The following DMAC2 variants were observed in gnomAD, a reference collection of about 807,000 sequenced individuals.
DMAC2 encodes distal membrane arm assembly component 2, also known as distal membrane-arm assembly complex protein 2.
DMAC2 carries 32 observed loss-of-function variants against 29.6 expected under a neutral mutation model. The ratio of observed to expected loss-of-function variants is 1.08; its 90% CI spans 0.81 to 1.45. The LOEUF is 1.45. Among genes scored for constraint, DMAC2 ranks in the 40% most tolerant of loss-of-function variants. DMAC2 has a pLI of 0.00. For synonymous variants in DMAC2, 133 were observed against 137.4 expected (o/e 0.97, Z 0.23); for missense variants, 319 against 340.0 (o/e 0.94, Z 0.49).
intron 2 of DMAC2, 82 bp from the exon 3 acceptor site, chr19:41,436,554 G>C: frequency 9.2e-7 from 1 of 1,091,602 alleles, no homozygotes; most frequent in South Asian, 1.3e-5. Context: ...AAGAGGGGCA[G>C]AGTCCAGAGA....
chr19:41,433,707 C>T, intron 3 of DMAC2, 34 bp from the exon 4 acceptor site: 2 of 1,613,504 alleles, frequency 1.2e-6, no homozygotes, highest in Non-Finnish European at 1.7e-6. Context: ...AGCAGGGCAC[C>T]TGAACCTGCC....
chr19:41,436,020 C>T (rs1466802244), intron 3 of DMAC2, among the ~76,000 whole-genome samples: 6 of 152,116 alleles, frequency 3.9e-5, no homozygotes, highest in South Asian at 2.1e-4. Flanking sequence ...GGATTACAGG[C>T]GCCTGCCACC....
rs782272339 is a variant in DMAC2 at position 41,435,869 on chromosome 19, CT to C, written c.296+522del. On this transcript the variant is annotated intron_variant, in intron 3 of 5. Transcript: ENST00000221943. ...GCCAGTGTGCCCAGCTCCGTTCAGTCTTTTTTTTTTTTTTTGACACTTTTGA... is the reference window on the plus strand; with the variant it reads ...GCCAGTGTGCCCAGCTCCGTTCAGTCTTTTTTTTTTTTTTGACACTTTTGA... Among the ~76,000 whole-genome samples the C allele has an allele frequency of 9.3e-3, 1,325 of 141,802 alleles. 3 individuals are homozygous for C. Among genetic ancestry groups the C allele is most frequent in the African/African-American group, 0.016 (629 of 38,908 alleles). 93.0% of individuals were successfully genotyped at this position (141,802 alleles called of 152,430 possible).
rs1315839566 is a variant in DMAC2, at chr19:41,432,777, AGCGTGCGT to A, written c.597-377_597-370del. 2.9e-3 allele frequency: 857 copies of A among 299,514 alleles called. 14 individuals are homozygous for A. The highest frequency in any genetic ancestry group is 6.3e-3 in the East Asian group (107 of 17,020). The allele number at this position is 299,514 out of a possible 1,614,324, so 18.6% of individuals were successfully genotyped here. A position where few individuals can be genotyped will look rare whatever the true frequency, so the allele number is the denominator to read the frequency against. On this transcript the variant is annotated intron_variant, in intron 5 of 5. Transcript: ENST00000221943. ...GCGTGTGTGTAGGGAGGTACAGGAC[AGCGTGCGT>A]GTGTGTGTGTGTGTGTGTGTGTGTG...
At position 41,433,268 on chromosome 19, in the gene DMAC2, T is replaced by C. The variant is rs1555769966; in HGVS notation, c.596+4A>G. ...ATGTGGCCCAGCCTGAGCTGAGGTC[T>C]CACTGGAGGTGGTGGAGGCAGGCGA... On this transcript the variant is annotated splice_donor_region_variant and intron_variant, in intron 5 of 5. Coordinates refer to ENST00000221943, the MANE Select transcript of DMAC2 (RefSeq NM_018035.3). The C allele has an allele frequency of 6.2e-7, 1 of 1,605,956 alleles. No homozygotes were observed. Among genetic ancestry groups the C allele is most frequent in the East Asian group, 2.2e-5 (1 of 44,840 alleles).
At chr19:41,436,593 C>A in intron 2 of DMAC2, 121 bp from the exon 3 acceptor site, 1 of 817,938 alleles carries the variant, frequency 1.2e-6, no homozygotes, top group Non-Finnish European at 2.0e-6. Flanking sequence ...TTCAGTCAGG[C>A]TGAAAATATT....
intron 1 of DMAC2, chr19:41,439,353 T>G (rs1026255969): frequency 2.8e-5 from 17 of 617,404 alleles, no homozygotes; most frequent in Non-Finnish European, 3.9e-5. Context: ...TCTCAAATTC[T>G]CCTCTTAATT....
rs377117773 is a variant in DMAC2 at position 41,436,349 on chromosome 19, C to T, written c.296+43G>A. On this transcript the variant is annotated intron_variant, in intron 3 of 5. Coordinates refer to ENST00000221943, the MANE Select transcript of DMAC2 (RefSeq NM_018035.3). Reference sequence around the variant, plus strand: ...AGAACCTGGATGTTAGAGAGATACCCCACCACCTGCCCCAGCCCGTTCTAA... The same window carrying T: ...AGAACCTGGATGTTAGAGAGATACCTCACCACCTGCCCCAGCCCGTTCTAA... The T allele has an allele frequency of 1.3e-4, 210 of 1,563,288 alleles. 1 individual carries two copies. Among genetic ancestry groups the T allele is most frequent in the Non-Finnish European group, 1.7e-4 (197 of 1,134,576 alleles).
chr19:41,432,488 G>C, intron 5 of DMAC2, 80 bp from the exon 6 acceptor site: 1 of 1,413,800 alleles, frequency 7.1e-7, no homozygotes, highest in Non-Finnish European at 9.8e-7. Flanking sequence ...GACAGCGTGT[G>C]CGTGTGTGTG....
chr19:41,432,884 G>A (rs1187963244), intron 5 of DMAC2: 34 of 525,184 alleles, frequency 6.5e-5, no homozygotes, highest in African/African-American at 1.4e-4. Flanking sequence ...GTGTGTGTGC[G>A]TGCGTGCATG....
chr19:41,437,199 A>C (rs1442096537), intron 2 of DMAC2, among the ~76,000 whole-genome samples: 2 of 151,960 alleles, frequency 1.3e-5, no homozygotes, highest in Non-Finnish European at 2.9e-5. Context: ...CAGGATTTCG[A>C]GACCAGCCTG....
chr19:41,436,573 C>A (rs2039876412), intron 2 of DMAC2, 101 bp from the exon 3 acceptor site: 5 of 936,660 alleles, frequency 5.3e-6, no homozygotes, highest in Non-Finnish European at 8.5e-6. Context: ...GAACCAGGCA[C>A]ACAGACAGAT....
At chr19:41,432,958 A>C in intron 5 of DMAC2, 2 of 507,076 alleles carry the variant, frequency 3.9e-6, no homozygotes, top group Non-Finnish European at 3.5e-6. Flanking sequence ...TCCTAAAATA[A>C]AATCTTTATA....
intron 3 of DMAC2, among the ~76,000 whole-genome samples, chr19:41,434,340 C>T (rs1331772205): frequency 9.7e-5 from 13 of 134,250 alleles, no homozygotes; most frequent in Admixed American, 6.7e-4. Context: ...CCCAGGAGGT[C>T]GAGGCTGTAG....
rs13346881 is a variant in DMAC2 at position 41,437,559 on chromosome 19, C to T, written c.215+659G>A. On this transcript the variant is annotated intron_variant, in intron 2 of 5. Coordinates refer to ENST00000221943, the MANE Select transcript of DMAC2 (RefSeq NM_018035.3). ...ACTAAAAATACAAAAATTAGCTGGG[C>T]CTGGTGGCGGGCGCCTGTAATCCCA... Among the ~76,000 whole-genome samples the T allele has an allele frequency of 6.9e-3, 1,035 of 150,946 alleles. 17 individuals are homozygous for T. Among genetic ancestry groups the T allele is most frequent in the African/African-American group, 0.024 (992 of 41,082 alleles).
rs782155146 is a variant in DMAC2 at position 41,433,438 on chromosome 19, C to T, written c.434-4G>A. The T allele has an allele frequency of 8.7e-6, 14 of 1,612,996 alleles. No homozygotes were observed. The highest frequency in any genetic ancestry group is 6.7e-5 in the African/African-American group (5 of 74,924). On this transcript the variant is annotated splice_polypyrimidine_tract_variant and splice_region_variant and intron_variant, in intron 4 of 5. Transcript: ENST00000221943. ...GACTGGAGCTCCTTCAGGCGGACTGCGGTGGGGAGAGGGTGGGATGGCACC... is the reference window on the plus strand; with the variant it reads ...GACTGGAGCTCCTTCAGGCGGACTGTGGTGGGGAGAGGGTGGGATGGCACC...
chr19:41,439,582 A>AT (rs2040047593), intron 1 of DMAC2: 2 of 1,525,052 alleles, frequency 1.3e-6, no homozygotes, highest in African/African-American at 2.8e-5. Context: ...TCCTTGTGTC[A>AT]TCCCTCCCTC....
In DMAC2 at chr19:41,432,385, G is replaced by A. The variant is rs185136417; in HGVS notation, c.620C>T (p.Ser207Leu). 408 of 1,613,960 alleles carry A rather than the reference G, an allele frequency of 2.5e-4. 2 individuals are homozygous for A. The Admixed American group carries it at 5.8e-3, about 23-fold the overall frequency. Residue 207 changes from serine to leucine, a missense_variant, in exon 6 of 6, where the codon TCG (serine) becomes TTG (leucine). By Grantham distance (145) the Ser-to-Leu change is moderately radical. Coordinates refer to ENST00000221943, the MANE Select transcript of DMAC2 (RefSeq NM_018035.3). Reference sequence around the variant, plus strand: ...AGGGTTGGACACGGCAGGGAGGTCCGAGATGTCCAGCCTGCGGAGGTTCCT... The same window carrying A: ...AGGGTTGGACACGGCAGGGAGGTCCAAGATGTCCAGCCTGCGGAGGTTCCT... ...HLQNLRRLDI[S>L]DLPAVSNPGL...
chr19:41,433,948 A>T (rs750782565), intron 3 of DMAC2, among the ~76,000 whole-genome samples: 41 of 151,880 alleles, frequency 2.7e-4, no homozygotes, highest in Non-Finnish European at 1.8e-4. Context: ...AAAATACAAA[A>T]ATTGGCCAGG....
Sources: allele counts gnomAD v4.1 joint callset (sites outside exome capture counted in the v4.1 genomes callset), GRCh38; gene constraint gnomAD v4.1.1; transcripts MANE v1.5; gene names NCBI Gene and HGNC (gene_info 2026-07-23, HGNC 2026-07-21).